The following ZNF730 variants were observed in gnomAD, a reference collection of about 807,000 sequenced individuals.
ZNF730 encodes zinc finger protein 730.
A neutral mutation model predicts 12.6 loss-of-function variants in ZNF730; 12 were observed. That is an observed-to-expected ratio of 0.95 (90% CI 0.61 to 1.54). The LOEUF (loss-of-function observed/expected upper bound fraction) is 1.54. Among genes scored for constraint, ZNF730 ranks in the 40% most tolerant of loss-of-function variants. The probability of loss-of-function intolerance (pLI) is 0.00; values close to 1 mark genes in which losing one functional copy is unlikely to be tolerated. For synonymous variants in ZNF730, 194 were observed against 195.8 expected (o/e 0.99, Z 0.08); for missense variants, 643 against 583.5 (o/e 1.10, Z -1.05).
chr19:23,117,200 CGA>C (rs1227080180), intron 1 of ZNF730, 24 bp downstream of exon 1: 10 of 1,613,840 alleles, frequency 6.2e-6, no homozygotes, highest in Non-Finnish European at 8.5e-6. Flanking sequence ...TCCGACATCC[CGA>C]GAGAGGGAAC....
At chr19:23,085,367 CTTTT>C (rs1327924641) in intron 1 of ZNF730, among the ~76,000 whole-genome samples, 2 of 145,460 alleles carry the variant, frequency 1.4e-5, no homozygotes, top group Admixed American at 1.4e-4. Context: ...TGCTTTTTTT[CTTTT>C]TTTTTAAGTA....
In ZNF730 at chr19:23,081,126, G is replaced by A. The variant is rs568568758; in HGVS notation, c.-94+5739G>A. Among the ~76,000 whole-genome samples the A allele has an allele frequency of 1.1e-4, 17 of 151,318 alleles. No homozygotes were observed. In the East Asian group the frequency reaches 2.0e-3, roughly 18 times the overall value. ...CTCCCAAAGTGCTGGGATTACAGGC[G>A]TGAGCCACCATACTAGACCTCTTTT... On this transcript the variant is annotated intron_variant, in intron 1 of 2. Transcript: ENST00000593635.
chr19:23,124,626 GA>G (rs1970640196), intron 1 of ZNF730, among the ~76,000 whole-genome samples: 1 of 152,192 alleles, frequency 6.6e-6, no homozygotes, highest in Non-Finnish European at 1.5e-5. Flanking sequence ...AGGCTGACAA[GA>G]GTGGTTAATG....
chr19:23,090,996 G>A (rs561819839), intron 1 of ZNF730, among the ~76,000 whole-genome samples: 54 of 148,762 alleles, frequency 3.6e-4, no homozygotes, highest in South Asian at 6.3e-4. Flanking sequence ...GCAAGACTTC[G>A]TCTCAAAAAA....
intron 1 of ZNF730, among the ~76,000 whole-genome samples, chr19:23,087,277 G>T (rs900974480): frequency 6.6e-6 from 1 of 151,996 alleles, no homozygotes; most frequent in Non-Finnish European, 1.5e-5. Context: ...GCATGGTGGC[G>T]GGTGCCTGTA....
At chr19:23,088,739 A>G (rs1056618818) in intron 1 of ZNF730, among the ~76,000 whole-genome samples, 2 of 152,174 alleles carry the variant, frequency 1.3e-5, no homozygotes, top group African/African-American at 4.8e-5. Context: ...TGCTGGGATT[A>G]CAGGTGTGAG....
chr19:23,134,127 G>A lies in ZNF730; in HGVS notation c.51G>A (p.Glu17=), dbSNP rs1336656315. The A allele has an allele frequency of 1.2e-6, 2 of 1,613,560 alleles. 1 individual carries two copies. The highest frequency in any genetic ancestry group is 4.5e-5 in the East Asian group (2 of 44,840). ...TGGCCATAGAATTCTCTCTGGAGGA[G>A]TGGCAATGTCTGGACACCGAACAAC... ...RDVAIEFSLE[E]WQCLDTEQQN... The change falls in exon 2 of 4, where the codon GAG becomes GAA. Residue 17 remains glutamate, a synonymous_variant. Coordinates refer to ENST00000597761, the MANE Select transcript of ZNF730 (RefSeq NM_001277403.2).
At chr19:23,089,477 G>T (rs80013735) in intron 1 of ZNF730, among the ~76,000 whole-genome samples, 6 of 152,118 alleles carry the variant, frequency 3.9e-5, no homozygotes, top group African/African-American at 1.4e-4. Context: ...GGGAGGGACC[G>T]GGGGGAGATT....
chr19:23,095,929 T>C (rs780343594), intron 1 of ZNF730, among the ~76,000 whole-genome samples: 1 of 152,176 alleles, frequency 6.6e-6, no homozygotes, highest in Non-Finnish European at 1.5e-5. Flanking sequence ...GTGACATATA[T>C]CTTGGCCCAT....
At chr19:23,089,585 T>G (rs938948747) in intron 1 of ZNF730, among the ~76,000 whole-genome samples, 11 of 152,310 alleles carry the variant, frequency 7.2e-5, no homozygotes, top group African/African-American at 2.6e-4. Flanking sequence ...CTGCTTTGCT[T>G]CTTTCTCATT....
At chr19:23,089,378 T>C (rs1440887146) in intron 1 of ZNF730, among the ~76,000 whole-genome samples, 1 of 152,126 alleles carries the variant, frequency 6.6e-6, no homozygotes, top group Non-Finnish European at 1.5e-5. Flanking sequence ...CTAATTTTTG[T>C]ATTTTTAGTA....
Position 23,146,596 on chromosome 19 carries a change from T to C in ZNF730, c.*40T>C, listed in dbSNP as rs562023013. On this transcript the variant is annotated 3_prime_UTR_variant, in exon 4 of 4. Transcript: ENST00000597761. ...TGGCAAAGCTTTTAAACAATCTTTATACCTTACTACACATAAGATAATTCA... is the reference window on the plus strand; with the variant it reads ...TGGCAAAGCTTTTAAACAATCTTTACACCTTACTACACATAAGATAATTCA... 2 of 1,578,912 alleles carry C rather than the reference T, an allele frequency of 1.3e-6. No individual in the cohort carries two copies. Among genetic ancestry groups the C allele is most frequent in the Admixed American group, 1.7e-5 (1 of 58,494 alleles).
intron 1 of ZNF730, among the ~76,000 whole-genome samples, chr19:23,078,131 C>T (rs1006322078): frequency 6.6e-6 from 1 of 152,100 alleles, no homozygotes; most frequent in Non-Finnish European, 1.5e-5. Flanking sequence ...AAGGGAAAGA[C>T]CTGACCGTCC....
At chr19:23,102,254 T>C (rs1970343913) in intron 1 of ZNF730, among the ~76,000 whole-genome samples, 1 of 152,056 alleles carries the variant, frequency 6.6e-6, no homozygotes, top group Non-Finnish European at 1.5e-5. Flanking sequence ...AGCCCCCATG[T>C]GGTGTGACTG....
intron 1 of ZNF730, chr19:23,100,357 T>C (rs1315117569): frequency 6.6e-6 from 1 of 152,168 alleles, no homozygotes; most frequent in East Asian, 1.9e-4. Flanking sequence ...ATGTTGCTCC[T>C]AGGTAGGCTT....
intron 3 of ZNF730, among the ~76,000 whole-genome samples, chr19:23,141,867 T>TTTTTTTTTTTTTTTTTTTTTTTTTTTG (rs1970925851): frequency 6.6e-6 from 1 of 152,206 alleles, no homozygotes; most frequent in African/African-American, 2.4e-5. Flanking sequence ...AATTGTTTTA[T>TTTTTTTTTTTTTTTTTTTTTTTTTTTG]ACTGCCTTCA....
In ZNF730 at chr19:23,111,862, T is replaced by C. The variant is rs531549583; in HGVS notation, c.-93-22218T>C. Reference sequence around the variant, plus strand: ...AGATCCATTTAGAGTGGAAAAAATATGTTGGCCATTTAAAAATAGTCATTG... The same window carrying C: ...AGATCCATTTAGAGTGGAAAAAATACGTTGGCCATTTAAAAATAGTCATTG... On this transcript the variant is annotated intron_variant, in intron 1 of 2. Coordinates refer to the ZNF730 transcript ENST00000593635. Among the ~76,000 whole-genome samples, 14 of 152,346 alleles carry C rather than the reference T, an allele frequency of 9.2e-5. No homozygotes were observed. The South Asian group carries it at 1.9e-3, about 20-fold the overall frequency.
intron 1 of ZNF730, chr19:23,128,056 T>A (rs1970692589): frequency 5.2e-6 from 4 of 764,916 alleles, no homozygotes; most frequent in Non-Finnish European, 9.4e-6. Context: ...TGGCAATGAA[T>A]ACAATGTGGA....
chr19:23,101,836 G>A (rs1970339148), intron 1 of ZNF730, among the ~76,000 whole-genome samples: 1 of 152,210 alleles, frequency 6.6e-6, no homozygotes, highest in Admixed American at 6.5e-5. Flanking sequence ...CCAAAGTCCT[G>A]GGATTACAGG....
Sources: gnomAD v4.1 joint callset for allele counts (sites outside exome capture counted in the v4.1 genomes callset) on GRCh38, gnomAD v4.1.1 for gene constraint, MANE v1.5 for transcripts, NCBI Gene and HGNC (gene_info 2026-07-23, HGNC 2026-07-21) for gene names.